Variants in RANBP2 observed in about 807,000 individuals in gnomAD.
The protein encoded by RANBP2 is RAN binding protein 2.
RANBP2 carries 57 observed loss-of-function variants against 303.6 expected under a neutral mutation model. That is an observed-to-expected ratio of 0.19 (90% CI 0.15 to 0.23). RANBP2 has a LOEUF of 0.23. Among genes scored for constraint, RANBP2 ranks in the 10% least tolerant of loss-of-function variants. The pLI is 1.00. For missense variants in RANBP2, 3,138 were observed against 3,780.8 expected (o/e 0.83, Z 4.46); for synonymous variants, 1,167 against 1,301.5 (o/e 0.90, Z 2.23).
chr2:109,512,417 C>G, the RANBP2 span, among the ~76,000 whole-genome samples: 5 of 152,284 alleles, frequency 3.3e-5, no homozygotes, highest in South Asian at 2.1e-4. Context: ...CTCCTGCCCC[C>G]TCCTGAGTCA....
chr2:109,761,481 A>G, the RANBP2 span, among the ~76,000 whole-genome samples: 1 of 148,486 alleles, frequency 6.7e-6, no homozygotes, highest in African/African-American at 2.5e-5. Context: ...CCACGCTCAC[A>G]GCTCGCAGCC....
chr2:109,063,824 C>G, the RANBP2 span, among the ~76,000 whole-genome samples: 1 of 151,556 alleles, frequency 6.6e-6, no homozygotes, highest in East Asian at 1.9e-4. Flanking sequence ...AAAAAAACAA[C>G]GTAGTGTCTT....
At chr2:109,146,873 T>C in the RANBP2 span, among the ~76,000 whole-genome samples, 2 of 26,332 alleles carry the variant, frequency 7.6e-5, no homozygotes, top group African/African-American at 3.7e-4. Flanking sequence ...CCCTCTTCTC[T>C]TCTTTTTTCC....
the RANBP2 span, among the ~76,000 whole-genome samples, chr2:108,990,176 A>C: frequency 6.6e-6 from 1 of 152,138 alleles, no homozygotes; most frequent in Non-Finnish European, 1.5e-5. Flanking sequence ...TCACGCCTGT[A>C]ATCCCAGCAC....
At chr2:108,870,015 T>C in the RANBP2 span, among the ~76,000 whole-genome samples, 1 of 152,200 alleles carries the variant, frequency 6.6e-6, no homozygotes, top group East Asian at 1.9e-4. Context: ...CTATCTTAAA[T>C]ATGCTCAATG....
At chr2:109,680,696 C>A in the RANBP2 span, among the ~76,000 whole-genome samples, 1 of 152,142 alleles carries the variant, frequency 6.6e-6, no homozygotes, top group South Asian at 2.1e-4. Flanking sequence ...TCTCAGCCAC[C>A]GGAATCTCAC....
the RANBP2 span, among the ~76,000 whole-genome samples, chr2:109,598,350 G>A: frequency 1.3e-5 from 2 of 152,054 alleles, no homozygotes; most frequent in African/African-American, 2.4e-5. Flanking sequence ...TTATAGGCGT[G>A]AGCCACTGCG....
At chr2:108,869,764 C>T in the RANBP2 span, among the ~76,000 whole-genome samples, 4 of 152,162 alleles carry the variant, frequency 2.6e-5, no homozygotes. Context: ...ACCTTAAGCA[C>T]ACTCCCTACA....
At chr2:109,156,658 C>G in the RANBP2 span, among the ~76,000 whole-genome samples, 2 of 152,122 alleles carry the variant, frequency 1.3e-5, no homozygotes, top group African/African-American at 4.8e-5. Flanking sequence ...GTTGGCCAGG[C>G]TGGTCACGAA....
At chr2:109,437,168 C>G in the RANBP2 span, 1 of 1,589,630 alleles carries the variant, frequency 6.3e-7, no homozygotes. Context: ...GGGGCCTCAC[C>G]CTGCAGGGCA....
chr2:109,740,113 A>G, the RANBP2 span, among the ~76,000 whole-genome samples: 1 of 148,566 alleles, frequency 6.7e-6, no homozygotes, highest in African/African-American at 2.5e-5. Flanking sequence ...CAGCCTCCCA[A>G]GTAGCTCCGG....
chr2:109,548,775 CAAAAAAAAAAAAAAA>C, the RANBP2 span, among the ~76,000 whole-genome samples: 9 of 63,590 alleles, frequency 1.4e-4, no homozygotes, highest in East Asian at 8.0e-4. Context: ...GGCTCCATCT[CAAAAAAAAAAAAAAA>C]AAAAAAAAAA....
At chr2:109,220,504 A>G in the RANBP2 span, among the ~76,000 whole-genome samples, 1 of 152,246 alleles carries the variant, frequency 6.6e-6, no homozygotes, top group Non-Finnish European at 1.5e-5. Flanking sequence ...AAAGAATGGG[A>G]GAAAATATTT....
intron 9 of RANBP2, among the ~76,000 whole-genome samples, chr2:108,750,141 G>A (rs1675754609): frequency 6.6e-6 from 1 of 152,208 alleles, no homozygotes; most frequent in Non-Finnish European, 1.5e-5. Flanking sequence ...GCGAGACTTC[G>A]TCTCAAAAAC....
At chr2:109,126,534 A>G in the RANBP2 span, among the ~76,000 whole-genome samples, 7 of 152,214 alleles carry the variant, frequency 4.6e-5, no homozygotes, top group Non-Finnish European at 1.0e-4. Flanking sequence ...CCACTGGTCC[A>G]TACTAGTGAT....
chr2:108,833,646 C>T, the RANBP2 span, among the ~76,000 whole-genome samples: 1 of 151,770 alleles, frequency 6.6e-6, no homozygotes, highest in East Asian at 1.9e-4. Context: ...GTGAAAGATA[C>T]CAGTACTTAC....
the RANBP2 span, among the ~76,000 whole-genome samples, chr2:109,593,559 C>CCATGCCTG: frequency 6.6e-6 from 1 of 152,170 alleles, no homozygotes; most frequent in Non-Finnish European, 1.5e-5. Context: ...GTGCACGCCA[C>CCATGCCTG]CATGCCTGGC....
chr2:108,855,553 T>C, the RANBP2 span, among the ~76,000 whole-genome samples: 34 of 152,316 alleles, frequency 2.2e-4, no homozygotes, highest in Non-Finnish European at 3.1e-4. Flanking sequence ...CTAGCAACTT[T>C]GTTTAACTTA....
chr2:108,981,591 C>T, the RANBP2 span, among the ~76,000 whole-genome samples: 9 of 152,166 alleles, frequency 5.9e-5, no homozygotes, highest in Admixed American at 2.6e-4. Context: ...GGAGTTCAGC[C>T]ATGTTTAGCA....
Sources: allele counts gnomAD v4.1 joint callset (sites outside exome capture counted in the v4.1 genomes callset), GRCh38; gene constraint gnomAD v4.1.1; transcripts MANE v1.5; gene names NCBI Gene and HGNC (gene_info 2026-07-23, HGNC 2026-07-21).